The following RASGRP3 variants were observed in gnomAD, a reference collection of about 807,000 sequenced individuals.
The protein encoded by RASGRP3 is ras guanyl-releasing protein 3.
Under a neutral mutation model 82.7 loss-of-function variants are expected in RASGRP3, and 54 were observed. The ratio of observed to expected loss-of-function variants is 0.65; its 90% CI spans 0.52 to 0.82. The LOEUF (loss-of-function observed/expected upper bound fraction) is 0.82, where lower values mean the gene tolerates loss of function less well. Ranked by LOEUF, RASGRP3 falls within the 40% of genes least tolerant of loss-of-function variation. RASGRP3 has a pLI of 0.00. For missense variants in RASGRP3, 861 were observed against 828.9 expected (o/e 1.04, Z -0.48); for synonymous variants, 309 against 300.5 (o/e 1.03, Z -0.29).
chr2:33,462,366 T>A (rs535525418), intron 2 of RASGRP3, among the ~76,000 whole-genome samples: 1 of 137,264 alleles, frequency 7.3e-6, no homozygotes, highest in Admixed American at 7.5e-5. Flanking sequence ...GATGTAGAGG[T>A]TTTTTTTTTT....
At chr2:33,525,094 C>CAA (rs1672405231) in intron 9 of RASGRP3, among the ~76,000 whole-genome samples, 1 of 133,572 alleles carries the variant, frequency 7.5e-6, no homozygotes, top group African/African-American at 2.9e-5. Context: ...AAAAAAAAAA[C>CAA]CAAAAAAAAA....
chr2:33,482,247 C>G (rs971327985), intron 1 of RASGRP3: 1 of 152,306 alleles, frequency 6.6e-6, no homozygotes, highest in Non-Finnish European at 1.5e-5. Flanking sequence ...ATTTCCTGAC[C>G]TCGTGATCTG....
chr2:33,442,181 T>G (rs1665258153), intron 1 of RASGRP3, among the ~76,000 whole-genome samples: 1 of 152,182 alleles, frequency 6.6e-6, no homozygotes, highest in Non-Finnish European at 1.5e-5. Flanking sequence ...CTGGCCAATA[T>G]GGTGAAACTC....
At chr2:33,485,510 G>A (rs6753711) in intron 1 of RASGRP3, among the ~76,000 whole-genome samples, 40,561 of 152,112 alleles carry the variant, frequency 0.27, 6,169 homozygotes, top group African/African-American at 0.42. Flanking sequence ...AAATCATTAT[G>A]CTATCTCAGA....
rs532800776 is a variant in RASGRP3, at chr2:33,545,802, T to G, written c.1394+2175T>G. ...ACACCAGTCAGAATGGCTATTATTA[T>G]TATTATTATTACTTTTCTTTGAGAC... On this transcript the variant is annotated intron_variant, in intron 13 of 17. Coordinates refer to ENST00000403687, the MANE Select transcript of RASGRP3 (RefSeq NM_001139488.2). 2.0e-3 allele frequency among the ~76,000 whole-genome samples: 305 copies of G among 152,014 alleles called. 1 individual carries two copies. Among genetic ancestry groups the G allele is most frequent in the Non-Finnish European group, 3.9e-3 (264 of 67,946 alleles).
chr2:33,439,036 G>C (rs1312762338), intron 1 of RASGRP3, among the ~76,000 whole-genome samples: 1 of 152,170 alleles, frequency 6.6e-6, no homozygotes, highest in Non-Finnish European at 1.5e-5. Context: ...TGGGGTAGAG[G>C]GGTATTGCAC....
rs184008879 is a variant in RASGRP3 at position 33,510,683 on chromosome 2, G to A, written c.-260-1027G>A. 2.3e-3 allele frequency among the ~76,000 whole-genome samples: 349 copies of A among 152,292 alleles called. 1 individual carries two copies. The highest frequency in any genetic ancestry group is 3.4e-3 in the Middle Eastern group (1 of 294). The stretch of plus-strand genomic sequence containing the variant: ...GAGACCCTTTCCCTGAGCACTCAGC[G>A]TTCTGCAGGCTCCGTGATGGATTCA... On this transcript the variant is annotated intron_variant, in intron 1 of 17. Transcript: ENST00000403687.
chr2:33,521,190 T>C (rs1486703922), intron 6 of RASGRP3, among the ~76,000 whole-genome samples: 2 of 152,292 alleles, frequency 1.3e-5, no homozygotes, highest in African/African-American at 4.8e-5. Context: ...GCTGCTGAGG[T>C]TGGCCTCAGA....
intron 2 of RASGRP3, among the ~76,000 whole-genome samples, chr2:33,468,864 A>G (rs1666877898): frequency 6.6e-6 from 1 of 152,214 alleles, no homozygotes; most frequent in African/African-American, 2.4e-5. Context: ...TTCTTAGGAT[A>G]TATTTCTAGA....
chr2:33,519,811 A>T, intron 4 of RASGRP3, 141 bp from the exon 5 acceptor site: 1 of 590,142 alleles, frequency 1.7e-6, no homozygotes, highest in Non-Finnish European at 3.0e-6. Context: ...AAGTCATCAG[A>T]GGCCACTTCT....
chr2:33,558,062 A>T, intron 15 of RASGRP3, 149 bp from the exon 16 acceptor site: 1 of 1,056,196 alleles, frequency 9.5e-7, no homozygotes, highest in Non-Finnish European at 1.4e-6. Context: ...TCCAGATCCT[A>T]GACACACCCC....
At position 33,457,645 on chromosome 2, in the gene RASGRP3, A is replaced by G. The variant is rs114502816; in HGVS notation, c.-261+9702A>G. Among the ~76,000 whole-genome samples the G allele has an allele frequency of 9.8e-3, 1,484 of 152,096 alleles. 21 individuals are homozygous for G. Among genetic ancestry groups the G allele is most frequent in the African/African-American group, 0.035 (1,431 of 41,478 alleles). On this transcript the variant is annotated intron_variant, in intron 2 of 18. Coordinates refer to the RASGRP3 transcript ENST00000402538. ...CCTGATGCGGAATGCATTATTTGCA[A>G]CCCTCACTGCCACCCTTTGAGTTGG...
intron 2 of RASGRP3, among the ~76,000 whole-genome samples, chr2:33,455,550 C>G (rs1665993119): frequency 6.6e-6 from 1 of 152,214 alleles, no homozygotes; most frequent in Non-Finnish European, 1.5e-5. Flanking sequence ...CCTACAATTC[C>G]CTCAACATCA....
At chr2:33,513,013 G>A (rs764568437) in intron 2 of RASGRP3, among the ~76,000 whole-genome samples, 6 of 152,142 alleles carry the variant, frequency 3.9e-5, no homozygotes, top group African/African-American at 7.2e-5. Flanking sequence ...TGAGAGGTGC[G>A]TTGTTTTAAA....
chr2:33,526,851 A>T (rs1260235807), intron 9 of RASGRP3, among the ~76,000 whole-genome samples: 1 of 152,172 alleles, frequency 6.6e-6, no homozygotes, highest in Admixed American at 6.5e-5. Context: ...ATTTCCAAAC[A>T]CTTAAGTATA....
At chr2:33,468,387 G>C (rs1452016401) in intron 2 of RASGRP3, among the ~76,000 whole-genome samples, 1 of 151,710 alleles carries the variant, frequency 6.6e-6, no homozygotes, top group Non-Finnish European at 1.5e-5. Flanking sequence ...ATTTTTCCAT[G>C]TTACTAATAT....
chr2:33,563,110 C>G lies in RASGRP3; in HGVS notation c.*373C>G, dbSNP rs925131728. 4.3e-6 allele frequency: 1 copy of G among 230,938 alleles called. No homozygotes were observed. Among genetic ancestry groups the G allele is most frequent in the Middle Eastern group, 1.4e-3 (1 of 722 alleles). The allele number at this position is 230,938 out of a possible 1,614,324, so 14.3% of individuals were successfully genotyped here. A position where few individuals can be genotyped will look rare whatever the true frequency, so the allele number is the denominator to read the frequency against. ...ACTTCGCTTTTTTTGTGAGACTATC[C>G]TTTCAATATTTTTATAAACTTTTGT... On this transcript the variant is annotated 3_prime_UTR_variant, in exon 18 of 18. Coordinates refer to ENST00000403687, the MANE Select transcript of RASGRP3 (RefSeq NM_001139488.2).
At chr2:33,537,330 C>CACACACA (rs149899270) in intron 11 of RASGRP3, among the ~76,000 whole-genome samples, 7 of 95,690 alleles carry the variant, frequency 7.3e-5, no homozygotes, top group African/African-American at 2.7e-4. Context: ...ACCGCCCCCC[C>CACACACA]CACACACACA....
chr2:33,472,841 C>G (rs1219604011), upstream of RASGRP3, among the ~76,000 whole-genome samples: 1 of 136,578 alleles, frequency 7.3e-6, no homozygotes, highest in Admixed American at 7.9e-5. Flanking sequence ...ATAATCCCAG[C>G]ACTTTGGTGA....
Sources: allele counts gnomAD v4.1 joint callset (sites outside exome capture counted in the v4.1 genomes callset), GRCh38; gene constraint gnomAD v4.1.1; transcripts MANE v1.5; gene names NCBI Gene and HGNC (gene_info 2026-07-23, HGNC 2026-07-21).